The following ROR1 variants were observed in gnomAD, a reference collection of about 807,000 sequenced individuals.
ROR1 encodes the protein ROR family WNT receptor 1.
A neutral mutation model predicts 78.8 loss-of-function variants in ROR1; 19 were observed. That is an observed-to-expected ratio of 0.24 (90% CI 0.17 to 0.35). The LOEUF is 0.35. Among genes scored for constraint, ROR1 ranks in the 10% least tolerant of loss-of-function variants. The pLI is 1.00. For synonymous variants in ROR1, 386 were observed against 433.6 expected (o/e 0.89, Z 1.36); for missense variants, 917 against 1,177.8 (o/e 0.78, Z 3.24).
At chr1:63,924,064 A>G (rs1047368938) in intron 1 of ROR1, among the ~76,000 whole-genome samples, 41 of 152,178 alleles carry the variant, frequency 2.7e-4, no homozygotes, top group African/African-American at 9.9e-4. Flanking sequence ...GTATCTGGTT[A>G]ACAGTTCACT....
At chr1:64,168,226 G>A (rs759924379) in intron 8 of ROR1, among the ~76,000 whole-genome samples, 4 of 152,224 alleles carry the variant, frequency 2.6e-5, no homozygotes, top group Non-Finnish European at 4.4e-5. Flanking sequence ...TACCAGCTGT[G>A]AGACCACTTA....
At chr1:64,154,272 A>G (rs1007217467) in intron 7 of ROR1, among the ~76,000 whole-genome samples, 2 of 152,262 alleles carry the variant, frequency 1.3e-5, no homozygotes, top group Non-Finnish European at 2.9e-5. Context: ...CCTTCCAGGC[A>G]TATGCCTAAA....
intron 8 of ROR1, among the ~76,000 whole-genome samples, chr1:64,161,212 G>A (rs1341517497): frequency 6.6e-6 from 1 of 152,116 alleles, no homozygotes; most frequent in African/African-American, 2.4e-5. Flanking sequence ...GTACAACCAG[G>A]GTAATTGAGA....
At chr1:63,948,545 G>A (rs961576239) in intron 1 of ROR1, among the ~76,000 whole-genome samples, 1 of 152,078 alleles carries the variant, frequency 6.6e-6, no homozygotes, top group African/African-American at 2.4e-5. Context: ...CCTAGTAGAT[G>A]TTCAGTAAAG....
intron 1 of ROR1, among the ~76,000 whole-genome samples, chr1:63,946,804 G>T (rs961918612): frequency 6.6e-6 from 1 of 152,160 alleles, no homozygotes; most frequent in African/African-American, 2.4e-5. Flanking sequence ...ATCCAAGACA[G>T]AAAAACTGGT....
intron 1 of ROR1, among the ~76,000 whole-genome samples, chr1:63,796,674 G>A (rs1419654096): frequency 6.6e-6 from 1 of 152,174 alleles, no homozygotes; most frequent in Non-Finnish European, 1.5e-5. Context: ...ACAAGCAGTC[G>A]TACATTCAGT....
rs529416725 is a variant in ROR1, at chr1:63,877,587, G to A, written c.91+103079G>A. On this transcript the variant is annotated intron_variant, in intron 1 of 8. Transcript: ENST00000371079. ...GGCATTTTCAGGAAGGTAGCACAAG[G>A]TTACAGGGAGGACAATAGAAATGTA... is the stretch of plus-strand genomic sequence containing the variant. Among the ~76,000 whole-genome samples the A allele has an allele frequency of 2.6e-5, 4 of 152,114 alleles. No individual in the cohort carries two copies. The South Asian group carries it at 6.2e-4, about 24-fold the overall frequency.
chr1:63,811,075 A>G (rs746716052), intron 1 of ROR1, among the ~76,000 whole-genome samples: 7 of 152,160 alleles, frequency 4.6e-5, no homozygotes, highest in Non-Finnish European at 7.3e-5. Flanking sequence ...GACCCAACCG[A>G]CTGTAGAAAA....
intron 4 of ROR1, among the ~76,000 whole-genome samples, chr1:64,079,661 T>C (rs1350609891): frequency 1.3e-5 from 2 of 152,062 alleles, no homozygotes; most frequent in Non-Finnish European, 2.9e-5. Context: ...TTTATATTTT[T>C]AGTAGAAACG....
intron 8 of ROR1, among the ~76,000 whole-genome samples, chr1:64,162,167 T>A (rs1470133937): frequency 3.9e-5 from 6 of 152,198 alleles, no homozygotes; most frequent in Admixed American, 3.9e-4. Flanking sequence ...AGCCTTATTC[T>A]TTTTTCCCCT....
At position 63,860,788 on chromosome 1, in the gene ROR1, A is replaced by G. The variant is rs528348961; in HGVS notation, c.91+86280A>G. 1.3e-4 allele frequency among the ~76,000 whole-genome samples: 19 copies of G among 151,686 alleles called. 1 individual carries two copies. The East Asian group carries it at 1.4e-3, about 11-fold the overall frequency. ...TGTCTCGGGGAAAAAAAAAAAAAAA[A>G]AAGAAGAAGAAGAATGGAAGGGTAC... On this transcript the variant is annotated intron_variant, in intron 1 of 8. Transcript: ENST00000371079.
intron 1 of ROR1, among the ~76,000 whole-genome samples, chr1:63,834,305 T>C (rs1197814056): frequency 2.0e-5 from 3 of 152,104 alleles, no homozygotes; most frequent in African/African-American, 4.8e-5. Flanking sequence ...GAATTACTTT[T>C]GTACCCTTAG....
intron 1 of ROR1, among the ~76,000 whole-genome samples, chr1:63,927,604 CT>C: frequency 6.6e-6 from 1 of 151,060 alleles, no homozygotes; most frequent in East Asian, 2.0e-4. Context: ...AGCAGCAGTC[CT>C]GGGGGGATGT....
intron 1 of ROR1, among the ~76,000 whole-genome samples, chr1:63,960,202 T>C (rs1279899761): frequency 1.3e-5 from 2 of 152,198 alleles, no homozygotes; most frequent in African/African-American, 4.8e-5. Flanking sequence ...AGAGAATGAA[T>C]GACAACTTTC....
At chr1:63,976,046 G>A (rs928984227) in intron 1 of ROR1, among the ~76,000 whole-genome samples, 1 of 152,196 alleles carries the variant, frequency 6.6e-6, no homozygotes, top group African/African-American at 2.4e-5. Context: ...CTATGGTAGA[G>A]CTTTTGCCCT....
intron 1 of ROR1, among the ~76,000 whole-genome samples, chr1:63,915,573 A>T (rs1157640202): frequency 6.6e-6 from 1 of 152,050 alleles, no homozygotes; most frequent in East Asian, 1.9e-4. Context: ...TCATATGACT[A>T]TTACCAAGGA....
At chr1:63,805,117 A>G (rs1234528080) in intron 1 of ROR1, among the ~76,000 whole-genome samples, 2 of 152,230 alleles carry the variant, frequency 1.3e-5, no homozygotes, top group African/African-American at 2.4e-5. Context: ...AGAAAAGTGC[A>G]TGATTTAATT....
intron 2 of ROR1, among the ~76,000 whole-genome samples, chr1:64,038,904 T>C (rs1202535142): frequency 6.6e-6 from 1 of 152,214 alleles, no homozygotes; most frequent in African/African-American, 2.4e-5. Flanking sequence ...GTGTGTTGAA[T>C]TGATTTTTGT....
chr1:63,833,651 A>C (rs1440649814), intron 1 of ROR1, among the ~76,000 whole-genome samples: 1 of 152,092 alleles, frequency 6.6e-6, no homozygotes, highest in Non-Finnish European at 1.5e-5. Flanking sequence ...GGTTCTATCT[A>C]TAAAGTTCCT....
Sources: gnomAD v4.1 joint callset for allele counts (sites outside exome capture counted in the v4.1 genomes callset) on GRCh38, gnomAD v4.1.1 for gene constraint, MANE v1.5 for transcripts, NCBI Gene and HGNC (gene_info 2026-07-23, HGNC 2026-07-21) for gene names.